The following PDZRN4 variants were observed in gnomAD, a reference collection of about 807,000 sequenced individuals.
The protein encoded by PDZRN4 is PDZ domain-containing RING finger protein 4.
PDZRN4 carries 70 observed loss-of-function variants against 99.0 expected under a neutral mutation model. The ratio of observed to expected loss-of-function variants is 0.71; its 90% confidence interval spans 0.58 to 0.86. PDZRN4 has a LOEUF of 0.86. Ranked by LOEUF, PDZRN4 falls within the 40% of genes least tolerant of loss-of-function variation. PDZRN4 has a pLI of 0.00. For synonymous variants in PDZRN4, 551 were observed against 501.6 expected, an observed-to-expected ratio of 1.10 and a Z score of -1.32; for missense variants, 1,474 against 1,331.2, an observed-to-expected ratio of 1.11 and a Z score of -1.67.
chr12:41,370,143 T>G (rs747281521), intron 3 of PDZRN4, among the ~76,000 whole-genome samples: 5 of 151,994 alleles, frequency 3.3e-5, no homozygotes, highest in Non-Finnish European at 1.5e-5. Context: ...TCAATGCTAT[T>G]TGAAATCATC....
At chr12:41,201,082 G>A (rs1950813083) in intron 3 of PDZRN4, among the ~76,000 whole-genome samples, 1 of 151,016 alleles carries the variant, frequency 6.6e-6, no homozygotes, top group Admixed American at 6.6e-5. Context: ...GCCTTTATTG[G>A]CATTATATTT....
At chr12:41,348,285 A>C (rs1951868615) in intron 3 of PDZRN4, among the ~76,000 whole-genome samples, 1 of 152,014 alleles carries the variant, frequency 6.6e-6, no homozygotes, top group South Asian at 2.1e-4. Flanking sequence ...GGCTAGCAAA[A>C]CTCTGGGGGC....
chr12:41,332,991 TA>T (rs1252825231), intron 3 of PDZRN4, among the ~76,000 whole-genome samples: 1 of 152,200 alleles, frequency 6.6e-6, no homozygotes, highest in African/African-American at 2.4e-5. Context: ...GACAGTTTAG[TA>T]AACTAAGGCA....
intron 2 of PDZRN4, among the ~76,000 whole-genome samples, chr12:41,193,409 T>C (rs540454086): frequency 6.8e-4 from 104 of 152,350 alleles, no homozygotes; most frequent in Non-Finnish European, 6.6e-4. Context: ...CTTTGACTTC[T>C]TGTGACTGGC....
At chr12:41,441,945 T>C (rs894039213) in intron 3 of PDZRN4, among the ~76,000 whole-genome samples, 2 of 152,094 alleles carry the variant, frequency 1.3e-5, no homozygotes, top group Non-Finnish European at 2.9e-5. Context: ...CACAACTCCT[T>C]TGATTAACTC....
intron 3 of PDZRN4, among the ~76,000 whole-genome samples, chr12:41,227,202 C>G (rs1456316296): frequency 6.6e-6 from 1 of 152,070 alleles, no homozygotes; most frequent in African/African-American, 2.4e-5. Context: ...GGAATGAGAA[C>G]TTTGTTCAGT....
rs766503619 is a variant in PDZRN4 at position 41,188,697 on chromosome 12, G to A, written c.242G>A (p.Cys81Tyr). The change falls in exon 1 of 10, where the codon TGC (cysteine) becomes TAC (tyrosine). Residue 81 changes from cysteine to tyrosine, a missense_variant. Cys to Tyr is a radical substitution (Grantham distance 194). Transcript: ENST00000402685. ...RSLIQKLRVQ[C>Y]DYRARGCGHS... Reference sequence around the variant, plus strand: ...CTCATCCAGAAGCTGCGAGTCCAGTGCGACTACCGCGCCCGCGGCTGCGGC... The same window carrying A: ...CTCATCCAGAAGCTGCGAGTCCAGTACGACTACCGCGCCCGCGGCTGCGGC... 5.1e-6 allele frequency: 8 copies of A among 1,555,380 alleles called. No homozygotes were observed. The highest frequency in any genetic ancestry group is 4.2e-5 in the African/African-American group (3 of 72,010).
chr12:41,405,556 G>A (rs1370310356), intron 3 of PDZRN4, among the ~76,000 whole-genome samples: 1 of 152,106 alleles, frequency 6.6e-6, no homozygotes, highest in Non-Finnish European at 1.5e-5. Context: ...TCAAAGAACT[G>A]AAAACAGAGC....
At chr12:41,450,685 G>T (rs1219701096) in intron 3 of PDZRN4, among the ~76,000 whole-genome samples, 3 of 37,570 alleles carry the variant, frequency 8.0e-5, no homozygotes, top group Non-Finnish European at 5.3e-5. Context: ...ACTTTTGGGA[G>T]CTGAGGCGGG....
At chr12:41,432,276 T>C (rs1253112131) in intron 3 of PDZRN4, among the ~76,000 whole-genome samples, 1 of 152,262 alleles carries the variant, frequency 6.6e-6, no homozygotes, top group Non-Finnish European at 1.5e-5. Context: ...TTTCATAGAC[T>C]TTCAAATTTA....
At chr12:41,260,377 G>T (rs1490207001) in intron 3 of PDZRN4, among the ~76,000 whole-genome samples, 1 of 151,992 alleles carries the variant, frequency 6.6e-6, no homozygotes, top group African/African-American at 2.4e-5. Flanking sequence ...TTTGTGGGTG[G>T]TCTCTGATTA....
rs542553620 is a variant in PDZRN4, at chr12:41,541,744, C to T, written c.1204-10912C>T. ...CTGGGATTACAGGCGTGAGCCACCACGCCCGGCCCTTCTAGACCTATTTTT... is the reference window on the plus strand; with the variant it reads ...CTGGGATTACAGGCGTGAGCCACCATGCCCGGCCCTTCTAGACCTATTTTT... On this transcript the variant is annotated intron_variant, in intron 5 of 9. Coordinates refer to ENST00000402685, the MANE Select transcript of PDZRN4 (RefSeq NM_001164595.2). Among the ~76,000 whole-genome samples, 9 of 152,288 alleles carry T rather than the reference C, an allele frequency of 5.9e-5. No individual in the cohort carries two copies. The East Asian group carries it at 1.5e-3, about 26-fold the overall frequency.
chr12:41,497,444 A>C (rs915890030), intron 3 of PDZRN4, among the ~76,000 whole-genome samples: 3 of 152,116 alleles, frequency 2.0e-5, no homozygotes, highest in African/African-American at 7.2e-5. Context: ...GATATGTCAC[A>C]ACTCAGTGAA....
intron 3 of PDZRN4, among the ~76,000 whole-genome samples, chr12:41,385,475 A>G (rs1220653226): frequency 1.3e-5 from 2 of 152,196 alleles, no homozygotes; most frequent in Non-Finnish European, 2.9e-5. Flanking sequence ...ATCATCAGAA[A>G]CAACAAAGGG....
intron 3 of PDZRN4, among the ~76,000 whole-genome samples, chr12:41,247,763 C>T (rs1951142451): frequency 6.6e-6 from 1 of 152,078 alleles, no homozygotes. Context: ...TATTTAAAGA[C>T]TTTAAAAAAG....
intron 3 of PDZRN4, among the ~76,000 whole-genome samples, chr12:41,235,518 T>A (rs2120768078): frequency 6.6e-6 from 1 of 152,320 alleles, no homozygotes; most frequent in East Asian, 1.9e-4. Flanking sequence ...AGTGAGTTCC[T>A]ATGCACACAG....
intron 3 of PDZRN4, among the ~76,000 whole-genome samples, chr12:41,491,105 T>C (rs924744481): frequency 2.0e-5 from 3 of 152,174 alleles, no homozygotes; most frequent in Admixed American, 6.6e-5. Context: ...GCTGTTAAAT[T>C]ACACGTACAT....
At chr12:41,294,026 G>A (rs1178223832) in intron 3 of PDZRN4, among the ~76,000 whole-genome samples, 1 of 152,176 alleles carries the variant, frequency 6.6e-6, no homozygotes, top group Non-Finnish European at 1.5e-5. Flanking sequence ...TGCATAAATA[G>A]GCTCAGAGTT....
At chr12:41,235,622 G>A (rs987428744) in intron 3 of PDZRN4, among the ~76,000 whole-genome samples, 1 of 152,016 alleles carries the variant, frequency 6.6e-6, no homozygotes, top group Admixed American at 6.6e-5. Flanking sequence ...ATGTTTTTTA[G>A]AAAAAAATAG....
Sources: allele counts gnomAD v4.1 joint callset (sites outside exome capture counted in the v4.1 genomes callset), GRCh38; gene constraint gnomAD v4.1.1; transcripts MANE v1.5; gene names NCBI Gene and HGNC (gene_info 2026-07-23, HGNC 2026-07-21).